OAS2: variants seen among roughly 807,000 people sequenced by gnomAD.
OAS2 encodes 2'-5'-oligoadenylate synthase 2.
In OAS2, 67 loss-of-function variants were observed where a neutral mutation model predicts 71.3. The observed-to-expected ratio is 0.94, with a 90% CI of 0.77 to 1.15. The LOEUF is 1.15. Ranked by LOEUF, OAS2 falls within the 50% of genes most tolerant of loss-of-function variation. OAS2 has a pLI of 0.00. For synonymous variants in OAS2, 327 were observed against 321.8 expected, an observed-to-expected ratio of 1.02 and a Z score of -0.17; for missense variants, 789 against 822.5, an observed-to-expected ratio of 0.96 and a Z score of 0.50.
intron 2 of OAS2, 190 bp downstream of exon 2, chr12:112,987,498 A>AT: frequency 7.0e-7 from 1 of 1,432,990 alleles, no homozygotes; most frequent in Non-Finnish European, 9.1e-7. Context: ...CTTCTCCCCC[A>AT]TACCCTGATT....
Position 113,010,133 on chromosome 12 carries a change from C to T in OAS2, c.*878C>T, listed in dbSNP as rs762644276. The T allele has an allele frequency of 1.9e-5, 23 of 1,223,414 alleles. No homozygotes were observed. The highest frequency in any genetic ancestry group is 2.1e-5 in the Non-Finnish European group (21 of 978,526). The allele number at this position is 1,223,414 out of a possible 1,614,324, so 75.8% of individuals were successfully genotyped here. On this transcript the variant is annotated 3_prime_UTR_variant, in exon 10 of 10. Transcript: ENST00000392583. ...ATGTGTCTTCTGCCCTAGGTGAGAA[C>T]CCTTGCACTAGAGGAACCCTACACC...
Position 113,010,107 on chromosome 12 carries a change from C to A in OAS2, c.*852C>A. On this transcript the variant is annotated 3_prime_UTR_variant, in exon 10 of 10. Transcript: ENST00000392583. The stretch of plus-strand genomic sequence containing the variant: ...AATTAAAAGTGTCTTGAGACTTTAT[C>A]ATGTGTCTTCTGCCCTAGGTGAGAA... 1 of 1,134,526 alleles carries A rather than the reference C, an allele frequency of 8.8e-7. No homozygotes were observed. Among genetic ancestry groups the A allele is most frequent in the South Asian group, 3.1e-5 (1 of 31,894 alleles). The allele number at this position is 1,134,526 out of a possible 1,614,324, so 70.3% of individuals were successfully genotyped here.
chr12:112,986,383 G>C (rs1326724451), intron 1 of OAS2, among the ~76,000 whole-genome samples: 4 of 152,176 alleles, frequency 2.6e-5, no homozygotes, highest in African/African-American at 9.7e-5. Flanking sequence ...TGGGCCCCCA[G>C]GTGGCTTGTT....
intron 9 of OAS2, among the ~76,000 whole-genome samples, chr12:113,008,461 G>A (rs114466864): frequency 0.024 from 3,629 of 152,210 alleles, 146 homozygotes; most frequent in African/African-American, 0.083. Flanking sequence ...CTGGGTTCTT[G>A]GCAACATTGT....
rs151331075 is a variant in OAS2, at chr12:112,997,539, A to G, written c.647A>G (p.Asp216Gly). 165 of 1,613,902 alleles carry G rather than the reference A, an allele frequency of 1.0e-4. No individual in the cohort carries two copies. In the African/African-American group the frequency reaches 2.1e-3, roughly 20 times the overall value. ...WHQQCQKKIKDLPSLSPYALE... is the reference protein window; with the variant it reads ...WHQQCQKKIKGLPSLSPYALE... ...CCACAGTGCCAGAAAAAAATCAAGGATTTACCCTCGCTGTCTCCGTATGCC... is the reference window on the plus strand; with the variant it reads ...CCACAGTGCCAGAAAAAAATCAAGGGTTTACCCTCGCTGTCTCCGTATGCC... The change falls in exon 4 of 10, where the codon GAT becomes GGT. Residue 216 changes from aspartate (D) to glycine (G), a missense_variant. Physicochemically the swap from Asp to Gly is moderately conservative, Grantham distance 94 (BLOSUM62 -1). Transcript: ENST00000392583.
intron 3 of OAS2, among the ~76,000 whole-genome samples, 185 bp downstream of exon 3, chr12:112,995,659 C>T (rs909504937): frequency 6.6e-6 from 1 of 152,156 alleles, no homozygotes; most frequent in South Asian, 2.1e-4. Context: ...AGCCCATTGT[C>T]CCCCTAGTAA....
chr12:113,010,600 A>G lies in OAS2; in HGVS notation c.*1345A>G. The G allele has an allele frequency of 6.8e-7, 1 of 1,460,184 alleles. No homozygotes were observed. 90.5% of individuals were successfully genotyped at this position (1,460,184 alleles called of 1,614,324 possible). A position where few individuals can be genotyped will look rare whatever the true frequency, so the allele number is the denominator to read the frequency against. ...TTCCCTTGCTTCTTGGACTTCTTGA[A>G]ATCAATCAAGACTGCAAACCCTTTC... On this transcript the variant is annotated 3_prime_UTR_variant, in exon 10 of 10. Transcript: ENST00000392583.
chr12:112,978,572 T>TA lies in OAS2; in HGVS notation c.-36dup, dbSNP rs2044049273. The TA allele has an allele frequency of 6.2e-7, 1 of 1,610,590 alleles. No individual in the cohort carries two copies. Among genetic ancestry groups the TA allele is most frequent in the South Asian group, 1.1e-5 (1 of 90,820 alleles). ...GCAAGAATTCCTCTGCCTCCCATCC[T>TA]ACCATTCACTGTCTTGCCGGCAGCC... On this transcript the variant is annotated 5_prime_UTR_variant, in exon 1 of 10. Coordinates refer to ENST00000392583, the MANE Select transcript of OAS2 (RefSeq NM_002535.3). The surrounding 1 kb of genome is among the most constrained non-coding windows in gnomAD (Gnocchi z 4.2).
intron 2 of OAS2, among the ~76,000 whole-genome samples, chr12:112,990,280 G>T (rs909510395): frequency 9.2e-5 from 14 of 152,176 alleles, no homozygotes; most frequent in Non-Finnish European, 2.1e-4. Context: ...CATTTTAGGG[G>T]GACAGAATTT....
At chr12:112,997,414 CA>C (rs1256721794) in intron 3 of OAS2, 105 bp from the exon 4 acceptor site, 1 of 880,564 alleles carries the variant, frequency 1.1e-6, no homozygotes, top group Non-Finnish European at 1.7e-6. Flanking sequence ...GGCATTCTAG[CA>C]AAGGACAATG....
chr12:112,994,610 C>T (rs1036173855), intron 2 of OAS2, among the ~76,000 whole-genome samples: 1 of 151,952 alleles, frequency 6.6e-6, no homozygotes, highest in African/African-American at 2.4e-5. Flanking sequence ...TTAGTACAGA[C>T]GGGGTTTCAT....
Position 112,995,480 on chromosome 12 carries a change from T to C in OAS2, c.627+6T>C, listed in dbSNP as rs199565251. The C allele has an allele frequency of 6.9e-4, 1,111 of 1,610,076 alleles. 7 individuals are homozygous for C. The highest frequency in any genetic ancestry group is 3.1e-3 in the South Asian group (278 of 90,364). On this transcript the variant is annotated splice_donor_region_variant and intron_variant, in intron 3 of 9. Coordinates refer to ENST00000392583, the MANE Select transcript of OAS2 (RefSeq NM_002535.3). ...TAAAGCACTGGCATCAACAGGTAAT[T>C]TTCCAACTGTCTATATATGGTTATC...
At position 112,997,579 on chromosome 12, in the gene OAS2, G is replaced by A. The variant is rs759656625; in HGVS notation, c.687G>A (p.Thr229=). The A allele has an allele frequency of 2.4e-5, 38 of 1,614,094 alleles. No individual in the cohort carries two copies. The highest frequency in any genetic ancestry group is 3.3e-4 in the Middle Eastern group (2 of 6,062). Residue 229 remains threonine (T), a synonymous_variant, in exon 4 of 10, where the codon ACG becomes ACA. Coordinates refer to ENST00000392583, the MANE Select transcript of OAS2 (RefSeq NM_002535.3). ...CTCCGTATGCCCTGGAGCTGCTTAC[G>A]GTGTATGCCTGGGAACAGGGGTGCA... ...SLSPYALELL[T]VYAWEQGCRK...
intron 5 of OAS2, among the ~76,000 whole-genome samples, chr12:113,002,420 G>A (rs1233545527): frequency 6.6e-6 from 1 of 152,232 alleles, no homozygotes; most frequent in Non-Finnish European, 1.5e-5. Context: ...CCACCTAGTT[G>A]TGGTCACTTG....
chr12:113,007,188 C>T (rs568741286), intron 8 of OAS2, among the ~76,000 whole-genome samples: 8 of 152,194 alleles, frequency 5.3e-5, no homozygotes, highest in Non-Finnish European at 1.0e-4. Flanking sequence ...ACATCAAGCA[C>T]GATATCAGCT....
intron 5 of OAS2, among the ~76,000 whole-genome samples, chr12:113,001,363 C>CAT (rs1295584271): frequency 8.8e-6 from 1 of 113,174 alleles, no homozygotes; most frequent in Non-Finnish European, 1.7e-5. Context: ...TATATATATA[C>CAT]ATATATATAC....
At chr12:112,989,723 T>C (rs1419790750) in intron 2 of OAS2, among the ~76,000 whole-genome samples, 1 of 152,208 alleles carries the variant, frequency 6.6e-6, no homozygotes, top group Non-Finnish European at 1.5e-5. Context: ...TCATGAGGCA[T>C]GTCCAGCTCC....
At position 112,987,285 on chromosome 12, in the gene OAS2, T is replaced by G. The variant is rs554968969; in HGVS notation, c.425T>G (p.Val142Gly). ...FTKNQRISFE[V>G]LAAFNALSLN... ...AAAAATCAGAGAATCTCTTTCGAGG[T>G]GCTGGCCGCCTTCAACGCTCTGAGT... is the stretch of plus-strand genomic sequence containing the variant. The change falls in exon 2 of 10, where the codon GTG becomes GGG. Residue 142 changes from valine to glycine, a missense_variant. Coordinates refer to ENST00000392583, the MANE Select transcript of OAS2 (RefSeq NM_002535.3). The G allele has an allele frequency of 1.2e-6, 2 of 1,614,170 alleles. No homozygotes were observed. The highest frequency in any genetic ancestry group is 1.7e-6 in the Non-Finnish European group (2 of 1,180,030).
At chr12:112,992,517 G>A (rs1466436685) in intron 2 of OAS2, among the ~76,000 whole-genome samples, 1 of 152,144 alleles carries the variant, frequency 6.6e-6, no homozygotes, top group Non-Finnish European at 1.5e-5. Flanking sequence ...GAAAAGCCCA[G>A]GTCTTCTAAG....
Sources: gnomAD v4.1 joint callset for allele counts (sites outside exome capture counted in the v4.1 genomes callset) on GRCh38, gnomAD v4.1.1 for gene constraint, Gnocchi (gnomAD v3.1) non-coding constraint, MANE v1.5 for transcripts, NCBI Gene and HGNC (gene_info 2026-07-23, HGNC 2026-07-21) for gene names.